Variants in SLC18A2 observed in about 807,000 individuals in gnomAD.
SLC18A2 encodes synaptic vesicular amine transporter.
Under a neutral mutation model 59.2 loss-of-function variants are expected in SLC18A2, and 33 were observed. The ratio of observed to expected loss-of-function variants is 0.56; its 90% CI spans 0.42 to 0.75. The LOEUF is 0.75. SLC18A2 is among the 30% of genes least tolerant of loss of function. The pLI is 0.00. For missense variants in SLC18A2, 569 were observed against 668.6 expected (o/e 0.85, Z 1.64); for synonymous variants, 228 against 253.5 (o/e 0.90, Z 0.95).
chr10:117,246,944 G>A lies in SLC18A2; in HGVS notation c.464+2631G>A, dbSNP rs1363431888. On this transcript the variant is annotated intron_variant, in intron 3 of 15. Transcript: ENST00000644641. ...GCTGGGATTACAGGCGTGAGCCACC[G>A]CCCTCAGCGAGCAAATAAATTTTCA... 2.0e-5 allele frequency among the ~76,000 whole-genome samples: 3 copies of A among 152,128 alleles called. No homozygotes were observed. In the East Asian group the frequency reaches 5.8e-4, roughly 29 times the overall value.
At chr10:117,253,967 G>T in intron 4 of SLC18A2, 81 bp from the exon 5 acceptor site, 1 of 1,270,976 alleles carries the variant, frequency 7.9e-7, no homozygotes. Flanking sequence ...TGGGTTAAGG[G>T]GGGCTTCTGA....
intron 10 of SLC18A2, among the ~76,000 whole-genome samples, chr10:117,258,146 C>A (rs547431023): frequency 6.6e-6 from 1 of 152,204 alleles, no homozygotes; most frequent in African/African-American, 2.4e-5. Context: ...ATACAGTCAG[C>A]ATCTTCCCCT....
intron 10 of SLC18A2, 51 bp downstream of exon 10, chr10:117,257,943 A>G (rs1453106970): frequency 7.4e-7 from 1 of 1,349,904 alleles, no homozygotes; most frequent in East Asian, 2.3e-5. Flanking sequence ...TCCCCAGGGC[A>G]GCCTTTGTCC....
intron 10 of SLC18A2, among the ~76,000 whole-genome samples, chr10:117,259,187 T>C (rs573458709): frequency 6.6e-6 from 1 of 152,322 alleles, no homozygotes; most frequent in Non-Finnish European, 1.5e-5. Context: ...GGTACTGTGA[T>C]TAATTTCCTT....
chr10:117,254,817 T>C (rs972275402), intron 6 of SLC18A2, among the ~76,000 whole-genome samples: 2 of 152,330 alleles, frequency 1.3e-5, no homozygotes, highest in Admixed American at 1.3e-4. Context: ...AGAACCTTGC[T>C]TTCTGGGTCT....
At chr10:117,265,294 C>T (rs976055857) in intron 10 of SLC18A2, among the ~76,000 whole-genome samples, 8 of 152,128 alleles carry the variant, frequency 5.3e-5, no homozygotes, top group Admixed American at 1.3e-4. Flanking sequence ...GGTAGACGTT[C>T]GTGCTTTATC....
chr10:117,251,678 G>A (rs363407), intron 3 of SLC18A2, among the ~76,000 whole-genome samples: 136 of 152,268 alleles, frequency 8.9e-4, no homozygotes, highest in African/African-American at 3.2e-3. Context: ...TTTGAATATG[G>A]TCAAGAGAAC....
chr10:117,250,613 C>T lies in SLC18A2; in HGVS notation c.465-2786C>T, dbSNP rs61872384. ...GCACTCTCCATCCCATGTGCTCCAG[C>T]GTCCCCACCCAGGTGCACATCAGCA... On this transcript the variant is annotated intron_variant, in intron 3 of 15. Transcript: ENST00000644641. Among the ~76,000 whole-genome samples the T allele has an allele frequency of 1.4e-3, 220 of 152,352 alleles. 1 individual carries two copies. Among genetic ancestry groups the T allele is most frequent in the Non-Finnish European group, 2.7e-3 (186 of 68,040 alleles).
At chr10:117,251,972 C>T (rs2532806) in intron 3 of SLC18A2, among the ~76,000 whole-genome samples, 137,019 of 151,774 alleles carry the variant, frequency 0.9, 62,363 homozygotes, top group South Asian at 0.98. Flanking sequence ...TATTTATTTA[C>T]TTTTGAGACA....
rs1407668634 is a variant in SLC18A2, at chr10:117,244,256, C to T, written c.407C>T (p.Ala136Val). 1 of 1,614,160 alleles carries T rather than the reference C, an allele frequency of 6.2e-7. No individual in the cohort carries two copies. The highest frequency in any genetic ancestry group is 8.5e-7 in the Non-Finnish European group (1 of 1,180,024). ...NENVQVGLLF[A>V]SKATVQLITN... is the part of the protein sequence containing the mutation. Reference sequence around the variant, plus strand: ...AACGTGCAAGTTGGTCTGTTGTTTGCCTCGAAAGCCACCGTCCAGCTCATC... The same window carrying T: ...AACGTGCAAGTTGGTCTGTTGTTTGTCTCGAAAGCCACCGTCCAGCTCATC... The change falls in exon 3 of 16, where the codon GCC (alanine) becomes GTC (valine). Residue 136 changes from alanine (A) to valine (V), a missense_variant. This residue lies in a region of SLC18A2 where 377 missense variants were observed against 389.8 expected (regional missense o/e 0.97). Transcript: ENST00000644641.
At chr10:117,261,965 T>G (rs909360036) in intron 10 of SLC18A2, among the ~76,000 whole-genome samples, 1 of 152,150 alleles carries the variant, frequency 6.6e-6, no homozygotes. Flanking sequence ...TGGAGTGCAG[T>G]GGCACGATCT....
In SLC18A2 at chr10:117,254,669, T is replaced by C. The variant is rs561442523; in HGVS notation, c.700+172T>C. ...CTTTGAAAAATGGTAGGAAGAGCCC[T>C]GAGCTGGGGGTGGAGGGGATCAGGA... On this transcript the variant is annotated intron_variant, in intron 6 of 15. Transcript: ENST00000644641. 5.3e-5 allele frequency among the ~76,000 whole-genome samples: 8 copies of C among 152,294 alleles called. No homozygotes were observed. In the South Asian group the frequency reaches 1.7e-3, roughly 32 times the overall value.
chr10:117,276,831 C>T (rs3026070), intron 15 of SLC18A2, among the ~76,000 whole-genome samples: 1 of 152,028 alleles, frequency 6.6e-6, no homozygotes, highest in Non-Finnish European at 1.5e-5. Flanking sequence ...CCAGGATCCC[C>T]ATACCCCAAT....
chr10:117,276,734 G>C (rs1004763061), intron 15 of SLC18A2, among the ~76,000 whole-genome samples: 5 of 151,936 alleles, frequency 3.3e-5, no homozygotes, highest in African/African-American at 9.7e-5. Flanking sequence ...TCACATGTGA[G>C]GGCTTCTCTC....
At chr10:117,250,210 T>C (rs1844147224) in intron 3 of SLC18A2, among the ~76,000 whole-genome samples, 1 of 152,152 alleles carries the variant, frequency 6.6e-6, no homozygotes, top group African/African-American at 2.4e-5. Flanking sequence ...GGAAAAATGA[T>C]GCCCAGCGCT....
chr10:117,276,880 C>T (rs1289882687), intron 15 of SLC18A2, among the ~76,000 whole-genome samples: 1 of 152,100 alleles, frequency 6.6e-6, no homozygotes, highest in African/African-American at 2.4e-5. Context: ...CCTGCCTGTC[C>T]CTTGCTTCAT....
chr10:117,243,061 G>A (rs573097748), intron 2 of SLC18A2, among the ~76,000 whole-genome samples: 39 of 152,300 alleles, frequency 2.6e-4, no homozygotes, highest in African/African-American at 8.7e-4. Context: ...CCTTGTGAAA[G>A]CCTTAGGAAT....
chr10:117,258,870 G>A (rs1045685721), intron 10 of SLC18A2, among the ~76,000 whole-genome samples: 5 of 151,040 alleles, frequency 3.3e-5, no homozygotes, highest in Non-Finnish European at 4.4e-5. Context: ...GGGTTCAAGC[G>A]ATTCTCCTGC....
chr10:117,249,083 T>G (rs1349320540), intron 3 of SLC18A2, among the ~76,000 whole-genome samples: 1 of 152,236 alleles, frequency 6.6e-6, no homozygotes, highest in East Asian at 1.9e-4. Flanking sequence ...TTTGCTAGCT[T>G]CAGCCAGTGG....
Sources: allele counts gnomAD v4.1 joint callset (sites outside exome capture counted in the v4.1 genomes callset), GRCh38; gene constraint gnomAD v4.1.1; regional missense constraint gnomAD v4.1.1; transcripts MANE v1.5; gene names NCBI Gene and HGNC (gene_info 2026-07-23, HGNC 2026-07-21).